FAM107B: variants seen among roughly 807,000 people sequenced by gnomAD.
The protein encoded by FAM107B is family with sequence similarity 107 member B.
Under a neutral mutation model 31.5 loss-of-function variants are expected in FAM107B, and 21 were observed. The observed-to-expected ratio is 0.67, with a 90% CI of 0.47 to 0.96. FAM107B has a LOEUF of 0.96. Ranked by LOEUF, FAM107B falls within the 40% of genes least tolerant of loss-of-function variation. The pLI, the probability that FAM107B is intolerant of heterozygous loss-of-function variation, is 0.00. For synonymous variants in FAM107B, 157 were observed against 141.5 expected (o/e 1.11, Z -0.78); for missense variants, 452 against 377.1 (o/e 1.20, Z -1.64).
At chr10:14,531,853 A>G (rs1427300877) in intron 2 of FAM107B, among the ~76,000 whole-genome samples, 1 of 152,134 alleles carries the variant, frequency 6.6e-6, no homozygotes, top group African/African-American at 2.4e-5. Context: ...AAAATAGAAA[A>G]GGAAAGGGAA....
Position 14,594,866 on chromosome 10 carries a change from A to C in FAM107B, c.470-64351T>G, listed in dbSNP as rs1852135722. On this transcript the variant is annotated intron_variant, in intron 2 of 4. Transcript: ENST00000181796. ...CCACTGTTATTTTTATTCTCATCTT[A>C]AGGCACATCTCAGTGGACCTTTTTC... is the stretch of plus-strand genomic sequence containing the variant. Among the ~76,000 whole-genome samples the C allele has an allele frequency of 2.6e-5, 4 of 152,182 alleles. No homozygotes were observed. In the South Asian group the frequency reaches 8.3e-4, roughly 31 times the overall value.
At chr10:14,733,292 C>A (rs1205470545) in intron 1 of FAM107B, among the ~76,000 whole-genome samples, 1 of 152,024 alleles carries the variant, frequency 6.6e-6, no homozygotes, top group Middle Eastern at 3.2e-3. Flanking sequence ...CAGAGTCGAT[C>A]TAATGTATCT....
chr10:14,589,545 C>G (rs150370901), intron 2 of FAM107B, among the ~76,000 whole-genome samples: 5 of 151,702 alleles, frequency 3.3e-5, no homozygotes, highest in African/African-American at 9.7e-5. Flanking sequence ...TCCTTTAACA[C>G]GAAATAATGA....
chr10:14,615,115 G>A (rs1852817659), intron 2 of FAM107B, among the ~76,000 whole-genome samples: 2 of 152,134 alleles, frequency 1.3e-5, no homozygotes, highest in South Asian at 4.1e-4. Flanking sequence ...GATCACTTGA[G>A]GTCAGGAGTT....
In FAM107B at chr10:14,683,341, GT is replaced by G. The variant is rs1377302336; in HGVS notation, c.412-15651del. Among the ~76,000 whole-genome samples the G allele has an allele frequency of 1.2e-4, 18 of 152,344 alleles. No individual in the cohort carries two copies. The East Asian group carries it at 3.1e-3, about 26-fold the overall frequency. ...GTGGTTCAGTTCTGCAACGGAATGAGTGATTGTTCCACACCGTTAGGGAAGG... is the reference window on the plus strand; with the variant it reads ...GTGGTTCAGTTCTGCAACGGAATGAGGATTGTTCCACACCGTTAGGGAAGG... On this transcript the variant is annotated intron_variant, in intron 1 of 4. Transcript: ENST00000181796.
intron 2 of FAM107B, among the ~76,000 whole-genome samples, chr10:14,632,769 G>A (rs865806526): frequency 2.6e-5 from 4 of 152,054 alleles, no homozygotes; most frequent in Non-Finnish European, 4.4e-5. Context: ...AGAGACACGA[G>A]ATGGCACAAA....
chr10:14,534,117 C>G (rs1847349411), intron 2 of FAM107B, among the ~76,000 whole-genome samples: 1 of 152,120 alleles, frequency 6.6e-6, no homozygotes, highest in South Asian at 2.1e-4. Flanking sequence ...ACAACTGGAG[C>G]TGGAAAAGGG....
At chr10:14,530,603 A>G (rs1846873414) in intron 2 of FAM107B, 88 bp from the exon 3 acceptor site, 3 of 1,178,268 alleles carry the variant, frequency 2.5e-6, no homozygotes, top group Non-Finnish European at 3.6e-6. Context: ...TGTGCTCAGT[A>G]TGCTAACACA....
At chr10:14,586,622 C>T (rs1186860207) in intron 2 of FAM107B, among the ~76,000 whole-genome samples, 3 of 152,148 alleles carry the variant, frequency 2.0e-5, no homozygotes, top group Non-Finnish European at 2.9e-5. Context: ...CTACAAAACA[C>T]GAAGGGAGCC....
At chr10:14,742,653 A>C (rs1318581004) in intron 1 of FAM107B, among the ~76,000 whole-genome samples, 1 of 152,186 alleles carries the variant, frequency 6.6e-6, no homozygotes, top group African/African-American at 2.4e-5. Flanking sequence ...AGTGGATTGC[A>C]TGCATTCAAA....
chr10:14,570,329 C>G lies in FAM107B; in HGVS notation c.470-39814G>C, dbSNP rs566259239. On this transcript the variant is annotated intron_variant, in intron 2 of 4. Transcript: ENST00000181796. ...AATATCTGTGTACACCAAGGCCCAG[C>G]AGGGCAGGGTGGTTACACAGTGTAT... Among the ~76,000 whole-genome samples, 4 of 151,796 alleles carry G rather than the reference C, an allele frequency of 2.6e-5. No homozygotes were observed. The East Asian group carries it at 7.8e-4, about 29-fold the overall frequency.
chr10:14,698,394 G>A (rs548738417), intron 1 of FAM107B, among the ~76,000 whole-genome samples: 10 of 152,302 alleles, frequency 6.6e-5, no homozygotes, highest in East Asian at 5.8e-4. Context: ...CTGCTAATCC[G>A]GGAGGATTCT....
intron 1 of FAM107B, among the ~76,000 whole-genome samples, chr10:14,766,537 C>A (rs1472145782): frequency 6.6e-6 from 1 of 151,870 alleles, no homozygotes; most frequent in African/African-American, 2.4e-5. Flanking sequence ...ATTTGTGGGC[C>A]ACTGTAGGGA....
chr10:14,552,284 C>T (rs1352583026), intron 2 of FAM107B, among the ~76,000 whole-genome samples: 2 of 152,052 alleles, frequency 1.3e-5, no homozygotes, highest in Admixed American at 6.6e-5. Context: ...AAATGGGTCA[C>T]GGTGAATCCA....
At chr10:14,716,578 T>G (rs531293779) in intron 1 of FAM107B, among the ~76,000 whole-genome samples, 2 of 152,282 alleles carry the variant, frequency 1.3e-5, no homozygotes, top group East Asian at 3.9e-4. Context: ...ATCTGCCTCA[T>G]AGACAGTGAG....
At chr10:14,615,365 C>T (rs2131395722) in intron 2 of FAM107B, among the ~76,000 whole-genome samples, 1 of 152,228 alleles carries the variant, frequency 6.6e-6, no homozygotes, top group African/African-American at 2.4e-5. Context: ...AAATAATTTT[C>T]TATAAGCTGA....
chr10:14,551,627 T>A (rs1849274638), intron 2 of FAM107B, among the ~76,000 whole-genome samples: 1 of 151,694 alleles, frequency 6.6e-6, no homozygotes, highest in African/African-American at 2.4e-5. Flanking sequence ...CCTAATTTCA[T>A]CTATGAATCT....
At chr10:14,766,842 G>A (rs1689002394) in intron 1 of FAM107B, among the ~76,000 whole-genome samples, 1 of 150,090 alleles carries the variant, frequency 6.7e-6, no homozygotes, top group African/African-American at 2.4e-5. Flanking sequence ...AGAAAGACTT[G>A]GATCATGTGG....
At chr10:14,692,666 G>T (rs758138235) in intron 1 of FAM107B, among the ~76,000 whole-genome samples, 2 of 152,184 alleles carry the variant, frequency 1.3e-5, no homozygotes, top group Non-Finnish European at 2.9e-5. Context: ...ACTCTCAAGA[G>T]TGTCGATTTG....
Sources: gnomAD v4.1 joint callset for allele counts (sites outside exome capture counted in the v4.1 genomes callset) on GRCh38, gnomAD v4.1.1 for gene constraint, MANE v1.5 for transcripts, NCBI Gene and HGNC (gene_info 2026-07-23, HGNC 2026-07-21) for gene names.